The following CDC42SE2 variants were observed in gnomAD, a reference collection of about 807,000 sequenced individuals.
The protein encoded by CDC42SE2 is CDC42 small effector 2.
CDC42SE2 carries 3 observed loss-of-function variants against 11.5 expected under a neutral mutation model. The ratio of observed to expected loss-of-function variants is 0.26; its 90% CI spans 0.12 to 0.67. The LOEUF is 0.67. CDC42SE2 is among the 30% of genes least tolerant of loss of function. The pLI, the probability that CDC42SE2 is intolerant of heterozygous loss-of-function variation, is 0.80. For missense variants in CDC42SE2, 82 were observed against 106.8 expected (o/e 0.77, Z 1.02); for synonymous variants, 33 against 34.8 (o/e 0.95, Z 0.18).
chr5:131,221,585 CACATT>C, the CDC42SE2 span, among the ~76,000 whole-genome samples: 3 of 151,722 alleles, frequency 2.0e-5, no homozygotes, highest in South Asian at 6.2e-4. Context: ...CTTGTGTGAG[CACATT>C]ACCAGTGAAA....
chr5:131,393,921 C>G lies in CDC42SE2; in HGVS notation c.*2830C>G, dbSNP rs542119838. The G allele has an allele frequency of 1.0e-4, 15 of 145,322 alleles. No individual in the cohort carries two copies. The highest frequency in any genetic ancestry group is 3.6e-4 in the African/African-American group (14 of 38,546). The allele number at this position is 145,322 out of a possible 1,614,324, so 9.0% of individuals were successfully genotyped here. A position where few individuals can be genotyped will look rare whatever the true frequency, so the allele number is the denominator to read the frequency against. ...GTGGACTTGTCAGCCTATAACTACT[C>G]TGCAGCTGCCACTAACTCTACAGGC... is the stretch of plus-strand genomic sequence containing the variant. On this transcript the variant is annotated 3_prime_UTR_variant, in exon 5 of 5. Coordinates refer to ENST00000505065, the MANE Select transcript of CDC42SE2 (RefSeq NM_001375635.1).
At chr5:131,375,153 CTG>C (rs1390622685) in intron 3 of CDC42SE2, among the ~76,000 whole-genome samples, 3 of 151,496 alleles carry the variant, frequency 2.0e-5, no homozygotes, top group Non-Finnish European at 2.9e-5. Context: ...AGGTTTCTCA[CTG>C]AGAGATGAGA....
At chr5:131,365,900 T>G (rs982225309) in intron 3 of CDC42SE2, among the ~76,000 whole-genome samples, 2 of 152,158 alleles carry the variant, frequency 1.3e-5, no homozygotes, top group Non-Finnish European at 2.9e-5. Flanking sequence ...GAGAATGGTG[T>G]GAACCCGGGA....
At chr5:131,383,273 G>A (rs1750376674) in intron 3 of CDC42SE2, among the ~76,000 whole-genome samples, 1 of 152,198 alleles carries the variant, frequency 6.6e-6, no homozygotes, top group Non-Finnish European at 1.5e-5. Context: ...CAGGAAACCA[G>A]TGCATTGTGC....
At chr5:131,339,355 A>G (rs1263253836) in intron 2 of CDC42SE2, among the ~76,000 whole-genome samples, 4 of 152,006 alleles carry the variant, frequency 2.6e-5, no homozygotes, top group East Asian at 1.9e-4. Flanking sequence ...AAACAGTCCA[A>G]CATGAGAGAG....
rs148730151 is a variant in CDC42SE2 at position 131,369,816 on chromosome 5, T to C, written c.54+10269T>C. 2.6e-5 allele frequency among the ~76,000 whole-genome samples: 4 copies of C among 152,360 alleles called. No individual in the cohort carries two copies. In the East Asian group the frequency reaches 7.7e-4, roughly 29 times the overall value. On this transcript the variant is annotated intron_variant, in intron 3 of 4. Coordinates refer to ENST00000505065, the MANE Select transcript of CDC42SE2 (RefSeq NM_001375635.1). ...TTCCATTTCTATTACAGTGTAAGACTAATTATTTCAGAGTACAGAAAAAGA... is the reference window on the plus strand; with the variant it reads ...TTCCATTTCTATTACAGTGTAAGACCAATTATTTCAGAGTACAGAAAAAGA...
chr5:131,238,922 C>G, the CDC42SE2 span, among the ~76,000 whole-genome samples: 1 of 151,998 alleles, frequency 6.6e-6, no homozygotes, highest in Non-Finnish European at 1.5e-5. Flanking sequence ...CTTTGGGAGG[C>G]TGAGGCGGGT....
chr5:131,257,478 ATT>A (rs766082255), intron 2 of CDC42SE2, among the ~76,000 whole-genome samples: 30 of 139,210 alleles, frequency 2.2e-4, no homozygotes, highest in African/African-American at 2.9e-4. Context: ...CCACTTGCTA[ATT>A]TTTTTTTTTT....
At chr5:131,279,008 C>T (rs1398753718) in intron 1 of CDC42SE2, among the ~76,000 whole-genome samples, 1 of 151,436 alleles carries the variant, frequency 6.6e-6, no homozygotes, top group Non-Finnish European at 1.5e-5. Flanking sequence ...TGGTCTTGAA[C>T]TCCCAACCTC....
At chr5:131,356,296 A>T (rs900648411) in intron 2 of CDC42SE2, among the ~76,000 whole-genome samples, 4 of 152,240 alleles carry the variant, frequency 2.6e-5, no homozygotes, top group African/African-American at 9.6e-5. Flanking sequence ...AGCAGCTTTC[A>T]GCTCAAGAAG....
chr5:131,371,735 G>A (rs1377192483), intron 3 of CDC42SE2, among the ~76,000 whole-genome samples: 1 of 152,154 alleles, frequency 6.6e-6, no homozygotes, highest in African/African-American at 2.4e-5. Context: ...TTTCTTTCTA[G>A]TATATTTCAG....
chr5:131,239,335 GCT>G, the CDC42SE2 span, among the ~76,000 whole-genome samples: 1 of 151,560 alleles, frequency 6.6e-6, no homozygotes, highest in Non-Finnish European at 1.5e-5. Flanking sequence ...TACTCAGGAG[GCT>G]AAGATGGGAG....
chr5:131,232,745 A>AC, the CDC42SE2 span, among the ~76,000 whole-genome samples: 1 of 149,704 alleles, frequency 6.7e-6, no homozygotes, highest in Non-Finnish European at 1.5e-5. Flanking sequence ...AAAAAAAAAA[A>AC]AAAAAAAAAA....
At chr5:131,270,236 G>C (rs561205119) in intron 1 of CDC42SE2, among the ~76,000 whole-genome samples, 5 of 151,780 alleles carry the variant, frequency 3.3e-5, no homozygotes, top group African/African-American at 9.7e-5. Flanking sequence ...TTATCCGGGC[G>C]TGGTGGCAGG....
At chr5:131,388,161 A>T (rs954307615) in intron 4 of CDC42SE2, among the ~76,000 whole-genome samples, 2 of 152,060 alleles carry the variant, frequency 1.3e-5, no homozygotes, top group African/African-American at 4.8e-5. Flanking sequence ...TGCCTGGCTA[A>T]TTTTTTGTAT....
intron 2 of CDC42SE2, among the ~76,000 whole-genome samples, chr5:131,255,799 C>T (rs1580716067): frequency 6.6e-6 from 1 of 152,120 alleles, no homozygotes; most frequent in Non-Finnish European, 1.5e-5. Context: ...AAAAGAATTC[C>T]ACTATAATAA....
At chr5:131,267,510 AG>A (rs1055942241) in intron 1 of CDC42SE2, among the ~76,000 whole-genome samples, 1 of 152,120 alleles carries the variant, frequency 6.6e-6, no homozygotes, top group African/African-American at 2.4e-5. Flanking sequence ...TTTCTTCATC[AG>A]GGTATGTGTG....
chr5:131,370,762 G>A (rs30734), intron 3 of CDC42SE2, among the ~76,000 whole-genome samples: 1 of 152,228 alleles, frequency 6.6e-6, no homozygotes, highest in Non-Finnish European at 1.5e-5. Flanking sequence ...GGTGGCTAAT[G>A]ATTAAAATGG....
chr5:131,228,901 G>T, the CDC42SE2 span, among the ~76,000 whole-genome samples: 1 of 152,190 alleles, frequency 6.6e-6, no homozygotes, highest in Non-Finnish European at 1.5e-5. Flanking sequence ...AACTAAATTG[G>T]CTAGAATCTT....
Sources: allele counts gnomAD v4.1 joint callset (sites outside exome capture counted in the v4.1 genomes callset), GRCh38; gene constraint gnomAD v4.1.1; transcripts MANE v1.5; gene names NCBI Gene and HGNC (gene_info 2026-07-23, HGNC 2026-07-21).